POLR3A: variants seen among roughly 807,000 people sequenced by gnomAD.
POLR3A encodes DNA-directed RNA polymerase III subunit RPC1.
A neutral mutation model predicts 152.8 loss-of-function variants in POLR3A; 112 were observed. That is an observed-to-expected ratio of 0.73 (90% CI 0.63 to 0.86). POLR3A has a LOEUF of 0.86. Among genes scored for constraint, POLR3A ranks in the 40% least tolerant of loss-of-function variants. POLR3A has a pLI of 0.00. For synonymous variants in POLR3A, 615 were observed against 652.1 expected (o/e 0.94, Z 0.87); for missense variants, 1,385 against 1,743.1 (o/e 0.79, Z 3.66).
chr10:78,026,680 C>T (rs1847637534), intron 1 of POLR3A, among the ~76,000 whole-genome samples: 2 of 152,208 alleles, frequency 1.3e-5, no homozygotes, highest in Admixed American at 6.5e-5. Flanking sequence ...CACTGTACCA[C>T]CTAGCATTAC....
Position 77,978,638 on chromosome 10 carries a change from C to T in POLR3A, c.4025-1012G>A, listed in dbSNP as rs1442974885. ...TCTGGCCCCATTCTAACTGCTGCTC[C>T]TTTTCTTTTCCCTTCATGCTAGTTT... On this transcript the variant is annotated intron_variant, in intron 30 of 30. Transcript: ENST00000372371. Among the ~76,000 whole-genome samples the T allele has an allele frequency of 1.3e-5, 2 of 151,340 alleles. 1 individual carries two copies. Among genetic ancestry groups the T allele is most frequent in the Admixed American group, 1.3e-4 (2 of 15,198 alleles).
chr10:77,991,010 G>A (rs779572698), intron 21 of POLR3A, 44 bp downstream of exon 21: 31 of 1,111,566 alleles, frequency 2.8e-5, no homozygotes, highest in African/African-American at 2.4e-4. Flanking sequence ...AGTTCTTTAC[G>A]ACAGCCAGGC....
intron 15 of POLR3A, among the ~76,000 whole-genome samples, chr10:78,005,607 A>G (rs2131946365): frequency 6.6e-6 from 1 of 152,376 alleles, no homozygotes; most frequent in African/African-American, 2.4e-5. Flanking sequence ...TGAGAGGACT[A>G]ATGGGCCTGG....
At chr10:77,996,410 G>A (rs965355569) in intron 19 of POLR3A, among the ~76,000 whole-genome samples, 5 of 151,988 alleles carry the variant, frequency 3.3e-5, no homozygotes, top group Non-Finnish European at 7.4e-5. Flanking sequence ...TTGACAGACC[G>A]CTAGCAAGAC....
Position 78,004,722 on chromosome 10 carries a change from G to T in POLR3A, c.2241C>A (p.Thr747=). Residue 747 remains threonine (T), a synonymous_variant, in exon 16 of 31, where the codon ACC becomes ACA. Coordinates refer to ENST00000372371, the MANE Select transcript of POLR3A (RefSeq NM_007055.4). The part of the protein sequence containing the change: ...QQQPGCTAEE[T]LEALILKELS... ...ACCAAAGGGCCGGGCTCACCTCCAG[G>T]GTCTCCTCAGCAGTGCAGCCAGGCT... 1 of 1,612,850 alleles carries T rather than the reference G, an allele frequency of 6.2e-7. No homozygotes were observed.
chr10:78,013,908 T>C lies in POLR3A; in HGVS notation c.1432-118A>G, dbSNP rs533308326. The stretch of plus-strand genomic sequence containing the variant: ...AATACTGGGCACTGGCTTAAGAAAG[T>C]AGATTTCCAGTATGTTCTGTCAAGT... On this transcript the variant is annotated intron_variant, in intron 10 of 30. Coordinates refer to ENST00000372371, the MANE Select transcript of POLR3A (RefSeq NM_007055.4). 8 of 1,168,106 alleles carry C rather than the reference T, an allele frequency of 6.8e-6. No individual in the cohort carries two copies. The East Asian group carries it at 1.2e-4, about 18-fold the overall frequency. The allele number at this position is 1,168,106 out of a possible 1,614,324, so 72.4% of individuals were successfully genotyped here.
rs1847080575 is a variant in POLR3A at position 77,975,686 on chromosome 10, G to A, written c.*1792C>T. The A allele has an allele frequency of 6.6e-6, 1 of 152,264 alleles. No individual in the cohort carries two copies. Among genetic ancestry groups the A allele is most frequent in the South Asian group, 2.1e-4 (1 of 4,828 alleles). The allele number at this position is 152,264 out of a possible 1,614,324, so 9.4% of individuals were successfully genotyped here. A position where few individuals can be genotyped will look rare whatever the true frequency, so the allele number is the denominator to read the frequency against. On this transcript the variant is annotated 3_prime_UTR_variant, in exon 31 of 31. Transcript: ENST00000372371. ...CCACAACCTCTCTTCCATTTAAAGT[G>A]TGCGTCACCCGCAGAAGACAACAGG... is the stretch of plus-strand genomic sequence containing the variant.
intron 17 of POLR3A, among the ~76,000 whole-genome samples, chr10:78,001,621 C>G (rs570901821): frequency 6.6e-6 from 1 of 152,166 alleles, no homozygotes; most frequent in Non-Finnish European, 1.5e-5. Context: ...ATCATAAAAC[C>G]AAATGCTTTG....
rs558875685 is a variant in POLR3A at position 77,976,240 on chromosome 10, C to T, written c.*1238G>A. ...CACCTCCCAGGCTCAAGTGAACCTT[C>T]CACCTCAGCCTTACCAATAGCAGGT... On this transcript the variant is annotated 3_prime_UTR_variant, in exon 31 of 31. Coordinates refer to ENST00000372371, the MANE Select transcript of POLR3A (RefSeq NM_007055.4). 3 of 151,832 alleles carry T rather than the reference C, an allele frequency of 2.0e-5. No individual in the cohort carries two copies. The highest frequency in any genetic ancestry group is 6.6e-5 in the Admixed American group (1 of 15,232). 9.4% of individuals were successfully genotyped at this position (151,832 alleles called of 1,614,324 possible). A position where few individuals can be genotyped will look rare whatever the true frequency, so the allele number is the denominator to read the frequency against.
Position 78,026,241 on chromosome 10 carries a change from AG to A in POLR3A, c.45-13del. The A allele has an allele frequency of 6.2e-7, 1 of 1,614,176 alleles. No homozygotes were observed. Among genetic ancestry groups the A allele is most frequent in the East Asian group, 2.2e-5 (1 of 44,890 alleles). On this transcript the variant is annotated splice_polypyrimidine_tract_variant and intron_variant, in intron 1 of 30. Transcript: ENST00000372371. ...AACAGATGTGGCTTCTGGAATGGGA[AG>A]AAAAAGGTGAAAATTACAGCAAAAT...
intron 8 of POLR3A, among the ~76,000 whole-genome samples, chr10:78,021,044 A>C (rs1315501459): frequency 6.6e-6 from 1 of 152,090 alleles, no homozygotes; most frequent in Non-Finnish European, 1.5e-5. Context: ...CTTGGCTCAC[A>C]ACCTCCACCT....
At chr10:78,029,143 C>T (rs543631124) in intron 1 of POLR3A, among the ~76,000 whole-genome samples, 50 of 152,298 alleles carry the variant, frequency 3.3e-4, no homozygotes, top group African/African-American at 1.1e-3. Flanking sequence ...ACTCCGACTT[C>T]TCCGCCCAAG....
chr10:77,983,169 A>G (rs1847165105), intron 26 of POLR3A, among the ~76,000 whole-genome samples: 1 of 152,096 alleles, frequency 6.6e-6, no homozygotes, highest in African/African-American at 2.4e-5. Flanking sequence ...CCTTTACCTG[A>G]CACTTTCACA....
In POLR3A at chr10:78,009,872, T is replaced by G; in HGVS notation, c.1762A>C (p.Ile588Leu). ...KIKVRLPPPT[I>L]LKPVTLWTGK... ...ACAACTCCCACACACACCTTTAGGA[T>G]TGTAGGCGGTGGGAGGCGAACTTTA... The change falls in exon 13 of 31, where the codon ATC (isoleucine) becomes CTC (leucine). Residue 588 changes from isoleucine to leucine, a missense_variant. By Grantham distance (5) the Ile-to-Leu change is conservative (BLOSUM62 2). Coordinates refer to ENST00000372371, the MANE Select transcript of POLR3A (RefSeq NM_007055.4). 1 of 1,614,074 alleles carries G rather than the reference T, an allele frequency of 6.2e-7. No individual in the cohort carries two copies. The highest frequency in any genetic ancestry group is 8.5e-7 in the Non-Finnish European group (1 of 1,179,990).
rs12247063 is a variant in POLR3A at position 77,998,814 on chromosome 10, G to A, written c.2616+1167C>T. 3.1e-3 allele frequency among the ~76,000 whole-genome samples: 469 copies of A among 152,270 alleles called. 3 individuals carry two copies. The highest frequency in any genetic ancestry group is 0.011 in the African/African-American group (439 of 41,562). On this transcript the variant is annotated intron_variant, in intron 19 of 30. Coordinates refer to ENST00000372371, the MANE Select transcript of POLR3A (RefSeq NM_007055.4). ...TCCCATTACTGGGTATATACCCAAA[G>A]GATTATAAATCATGCTGCTATAAAG...
At chr10:78,011,217 C>T (rs996953744) in intron 11 of POLR3A, among the ~76,000 whole-genome samples, 4 of 152,118 alleles carry the variant, frequency 2.6e-5, no homozygotes, top group Non-Finnish European at 5.9e-5. Flanking sequence ...GCGTTGTGAC[C>T]TCTGAAGTCA....
chr10:77,993,599 T>C (rs2131937314), intron 19 of POLR3A, among the ~76,000 whole-genome samples: 1 of 152,354 alleles, frequency 6.6e-6, no homozygotes. Flanking sequence ...CATTTTAGTG[T>C]ATTTTAGAAC....
intron 13 of POLR3A, 51 bp from the exon 14 acceptor site, chr10:78,009,726 C>T (rs1253295171): frequency 7.4e-6 from 12 of 1,613,750 alleles, no homozygotes; most frequent in Non-Finnish European, 1.0e-5. Flanking sequence ...TGGTCTCAAT[C>T]CCCCTTCAGT....
At position 77,982,655 on chromosome 10, in the gene POLR3A, T is replaced by A. The variant is rs1847158200; in HGVS notation, c.3592A>T (p.Lys1198Ter). The change falls in exon 27 of 31, where the codon AAG (lysine) becomes TAG (stop). Residue 1198 changes from lysine to a stop codon, truncating the protein, a stop_gained and splice_region_variant. Transcript: ENST00000372371. LOFTEE classifies it high-confidence loss of function. ...ATGAGAAGCGACTTCTGTTTCACCTTGGGGAGATCCTCTTTCAGGAACTGC... is the reference window on the plus strand; with the variant it reads ...ATGAGAAGCGACTTCTGTTTCACCTAGGGGAGATCCTCTTTCAGGAACTGC... The part of the protein sequence containing the change: ...VLQFLKEDLP[K>*]VVVQGIPEVS... 1.2e-6 allele frequency: 2 copies of A among 1,612,828 alleles called. No individual in the cohort carries two copies. Among genetic ancestry groups the A allele is most frequent in the Non-Finnish European group, 1.7e-6 (2 of 1,179,938 alleles).
Sources: gnomAD v4.1 joint callset for allele counts (sites outside exome capture counted in the v4.1 genomes callset) on GRCh38, gnomAD v4.1.1 for gene constraint, MANE v1.5 for transcripts, NCBI Gene and HGNC (gene_info 2026-07-23, HGNC 2026-07-21) for gene names.